The following SNX29 variants were observed in gnomAD, a reference collection of about 807,000 sequenced individuals.
SNX29 encodes sorting nexin-29.
A neutral mutation model predicts 102.1 loss-of-function variants in SNX29; 78 were observed. That is an observed-to-expected ratio of 0.76 (90% CI 0.64 to 0.92). The LOEUF (loss-of-function observed/expected upper bound fraction) is 0.92. Ranked by LOEUF, SNX29 falls within the 40% of genes least tolerant of loss-of-function variation. The probability of loss-of-function intolerance (pLI) is 0.00; values close to 1 mark genes in which losing one functional copy is unlikely to be tolerated. For missense variants in SNX29, 1,280 were observed against 1,061.7 expected (o/e 1.21, Z -2.86); for synonymous variants, 580 against 414.5 (o/e 1.40, Z -4.85).
chr16:12,068,087 C>T (rs1162543867), intron 9 of SNX29, among the ~76,000 whole-genome samples: 1 of 152,272 alleles, frequency 6.6e-6, no homozygotes, highest in East Asian at 1.9e-4. Context: ...CAAGCAGGAG[C>T]AGTTTTGTCT....
intron 20 of SNX29, among the ~76,000 whole-genome samples, chr16:12,555,832 T>G (rs1246139733): frequency 6.6e-6 from 1 of 152,214 alleles, no homozygotes; most frequent in African/African-American, 2.4e-5. Context: ...TCCAGCTGAC[T>G]GACCAACCCC....
At chr16:12,526,390 C>G (rs953445881) in intron 20 of SNX29, among the ~76,000 whole-genome samples, 18 of 152,208 alleles carry the variant, frequency 1.2e-4, no homozygotes, top group African/African-American at 4.1e-4. Context: ...TTGAAATTGT[C>G]TCCAAGATGG....
rs77739729 is a variant in SNX29, at chr16:12,401,261, T to C, written c.1956-2187T>C. On this transcript the variant is annotated intron_variant, in intron 17 of 20. Transcript: ENST00000566228. ...CATTCTTCTCAAGTGCCTGTAACTT[T>C]CCAGGAAAGACTGTATGTTAGGCCA... Among the ~76,000 whole-genome samples the C allele has an allele frequency of 1.2e-3, 178 of 152,284 alleles. 1 individual carries two copies. The highest frequency in any genetic ancestry group is 4.1e-3 in the African/African-American group (169 of 41,558).
At chr16:12,552,849 G>A (rs182600493) in intron 20 of SNX29, among the ~76,000 whole-genome samples, 2 of 152,310 alleles carry the variant, frequency 1.3e-5, no homozygotes, top group African/African-American at 2.4e-5. Context: ...GAGAGGAGAG[G>A]GTGTGGCAGA....
intron 20 of SNX29, among the ~76,000 whole-genome samples, chr16:12,548,597 C>A (rs372290235): frequency 6.6e-5 from 10 of 152,138 alleles, no homozygotes; most frequent in Non-Finnish European, 1.5e-4. Context: ...ACTCCAGGCC[C>A]GGGTACTCTG....
chr16:12,239,630 C>T (rs923270778), intron 14 of SNX29, among the ~76,000 whole-genome samples: 1 of 126,828 alleles, frequency 7.9e-6, no homozygotes, highest in Non-Finnish European at 1.6e-5. Flanking sequence ...GAGTGAGACC[C>T]TGTTTCTACA....
chr16:12,307,755 G>A (rs118106075), intron 15 of SNX29, among the ~76,000 whole-genome samples: 38 of 152,312 alleles, frequency 2.5e-4, no homozygotes, highest in Admixed American at 1.1e-3. Context: ...TGCTAGGCTC[G>A]GCCTTGGCTG....
intron 13 of SNX29, 68 bp from the exon 14 acceptor site, chr16:12,199,533 G>T: frequency 1.5e-6 from 2 of 1,378,532 alleles, no homozygotes; most frequent in Non-Finnish European, 2.0e-6. Flanking sequence ...ACCCACCCCT[G>T]CCCCCTCCTG....
chr16:12,005,009 G>A (rs780863498), intron 3 of SNX29, among the ~76,000 whole-genome samples: 2 of 152,162 alleles, frequency 1.3e-5, no homozygotes, highest in Admixed American at 6.6e-5. Context: ...TTTGTTATCC[G>A]GATGAGCGTG....
At chr16:12,208,127 A>T (rs1273803920) in intron 14 of SNX29, among the ~76,000 whole-genome samples, 4 of 152,182 alleles carry the variant, frequency 2.6e-5, no homozygotes, top group Non-Finnish European at 5.9e-5. Flanking sequence ...GATGATTATC[A>T]TTCTCCTTTC....
intron 15 of SNX29, among the ~76,000 whole-genome samples, chr16:12,339,521 T>G (rs1016904784): frequency 6.6e-6 from 1 of 151,756 alleles, no homozygotes; most frequent in Admixed American, 6.6e-5. Context: ...TAACAAGAAA[T>G]GAAGCTTTTT....
chr16:12,525,342 AAATT>A (rs1454586836), intron 20 of SNX29, among the ~76,000 whole-genome samples: 6 of 152,170 alleles, frequency 3.9e-5, no homozygotes, highest in Non-Finnish European at 7.4e-5. Context: ...AAAAAAAAAA[AAATT>A]AAAAGAGTTT....
chr16:12,529,322 G>A lies in SNX29; in HGVS notation c.2318+4481G>A, dbSNP rs566813059. Among the ~76,000 whole-genome samples the A allele has an allele frequency of 3.7e-4, 57 of 152,258 alleles. 1 individual carries two copies. The highest frequency in any genetic ancestry group is 6.3e-4 in the Non-Finnish European group (43 of 68,024). Reference sequence around the variant, plus strand: ...TGGGAAGCCCCGTGCTGTGTTCGTCGTCTGACATTTGGGGAAGGGGTGGTT... The same window carrying A: ...TGGGAAGCCCCGTGCTGTGTTCGTCATCTGACATTTGGGGAAGGGGTGGTT... On this transcript the variant is annotated intron_variant, in intron 20 of 20. Transcript: ENST00000566228.
At chr16:12,104,337 C>T (rs74691834) in intron 11 of SNX29, among the ~76,000 whole-genome samples, 2 of 152,158 alleles carry the variant, frequency 1.3e-5, no homozygotes, top group African/African-American at 4.8e-5. Context: ...GGGCAGATCA[C>T]CTGAGGTCAG....
intron 14 of SNX29, among the ~76,000 whole-genome samples, chr16:12,252,158 C>T (rs2078440563): frequency 6.6e-6 from 1 of 152,226 alleles, no homozygotes; most frequent in Non-Finnish European, 1.5e-5. Flanking sequence ...TTCCCCAAAT[C>T]CACAAGGGTT....
At chr16:12,235,398 A>T (rs534941710) in intron 14 of SNX29, among the ~76,000 whole-genome samples, 6 of 152,172 alleles carry the variant, frequency 3.9e-5, no homozygotes, top group Non-Finnish European at 5.9e-5. Flanking sequence ...AAATTTGGTT[A>T]GGAAGCGGCA....
chr16:12,497,908 A>T (rs181527150), intron 19 of SNX29, among the ~76,000 whole-genome samples: 32 of 152,270 alleles, frequency 2.1e-4, no homozygotes, highest in African/African-American at 5.8e-4. Context: ...TCATTGGTTC[A>T]TCCCTGGATG....
At chr16:11,978,532 CAG>C (rs1285282706) in intron 1 of SNX29, among the ~76,000 whole-genome samples, 1 of 152,174 alleles carries the variant, frequency 6.6e-6, no homozygotes, top group Non-Finnish European at 1.5e-5. Flanking sequence ...GTCAGAATCT[CAG>C]AGCTGCCTGC....
At chr16:11,980,222 T>C (rs1567487881) in intron 1 of SNX29, among the ~76,000 whole-genome samples, 1 of 152,214 alleles carries the variant, frequency 6.6e-6, no homozygotes, top group African/African-American at 2.4e-5. Context: ...TGTCTCTGGA[T>C]GTGCCTGTTG....
Sources: allele counts gnomAD v4.1 joint callset (sites outside exome capture counted in the v4.1 genomes callset), GRCh38; gene constraint gnomAD v4.1.1; transcripts MANE v1.5; gene names NCBI Gene and HGNC (gene_info 2026-07-23, HGNC 2026-07-21).